Variants in ATXN10 observed in about 807,000 individuals in gnomAD.
ATXN10 encodes ataxin-10.
Under a neutral mutation model 52.9 loss-of-function variants are expected in ATXN10, and 28 were observed. That is an observed-to-expected ratio of 0.53 (90% CI 0.39 to 0.73). ATXN10 has a LOEUF of 0.73. Among genes scored for constraint, ATXN10 ranks in the 30% least tolerant of loss-of-function variants. The pLI is 0.00. For missense variants in ATXN10, 565 were observed against 577.0 expected (o/e 0.98, Z 0.21); for synonymous variants, 226 against 221.5 (o/e 1.02, Z -0.18).
chr22:45,750,727 T>A lies in ATXN10; in HGVS notation c.1173+10189T>A, dbSNP rs1473852692. Among the ~76,000 whole-genome samples, 1 of 152,172 alleles carries A rather than the reference T, an allele frequency of 6.6e-6. No individual in the cohort carries two copies. The highest frequency in any genetic ancestry group is 1.5e-5 in the Non-Finnish European group (1 of 68,028). On this transcript the variant is annotated intron_variant, in intron 9 of 11. Coordinates refer to ENST00000252934, the MANE Select transcript of ATXN10 (RefSeq NM_013236.4). This position sits in a 1 kb window ranked among gnomAD's most constrained non-coding sequence, Gnocchi z 4.2. The stretch of plus-strand genomic sequence containing the variant: ...AAACAATTTACAAAAGTTTATAGGT[T>A]AGTGGAGGCAGACATAGTTTCCAAA...
intron 10 of ATXN10, among the ~76,000 whole-genome samples, chr22:45,830,418 A>G (rs1928950245): frequency 6.6e-6 from 1 of 152,252 alleles, no homozygotes; most frequent in Admixed American, 6.5e-5. Context: ...CAGAGTGAAA[A>G]TGTAATCCAC....
rs1929347272 is a variant in ATXN10 at position 45,841,569 on chromosome 22, T to G, written c.1238-1422T>G. ...CCTGGGCCAGCTCACCCGGTGTGTA[T>G]TGGAGGGACTAAGATGGAGCAACCT... On this transcript the variant is annotated intron_variant, in intron 10 of 11. Coordinates refer to ENST00000252934, the MANE Select transcript of ATXN10 (RefSeq NM_013236.4). The surrounding 1 kb of genome is among the most constrained non-coding windows in gnomAD (Gnocchi z 5.1). Among the ~76,000 whole-genome samples the G allele has an allele frequency of 6.6e-6, 1 of 152,172 alleles. No individual in the cohort carries two copies. Among genetic ancestry groups the G allele is most frequent in the African/African-American group, 2.4e-5 (1 of 41,442 alleles).
At chr22:45,831,099 A>G (rs2146909840) in intron 10 of ATXN10, among the ~76,000 whole-genome samples, 1 of 152,362 alleles carries the variant, frequency 6.6e-6, no homozygotes, top group Non-Finnish European at 1.5e-5. Context: ...ACTTAGTGAA[A>G]TAAGCCAGTC....
intron 5 of ATXN10, among the ~76,000 whole-genome samples, chr22:45,713,019 C>A (rs1924308615): frequency 6.6e-6 from 1 of 151,990 alleles, no homozygotes. Context: ...CTATTTTACT[C>A]ATGTTGTGAG....
intron 9 of ATXN10, among the ~76,000 whole-genome samples, chr22:45,800,962 T>C (rs1927912357): frequency 6.6e-6 from 1 of 152,230 alleles, no homozygotes; most frequent in South Asian, 2.1e-4. Flanking sequence ...ATCCCATGTC[T>C]TGATTTGTTT....
rs1922771795 is a variant in ATXN10 at position 45,678,051 on chromosome 22, T to C, written c.116+5872T>C. 1.3e-5 allele frequency: 2 copies of C among 152,158 alleles called. No individual in the cohort carries two copies. The highest frequency in any genetic ancestry group is 4.1e-4 in the South Asian group (2 of 4,826). 9.4% of individuals were successfully genotyped at this position (152,158 alleles called of 1,614,324 possible). Reference sequence around the variant, plus strand: ...CAAACTTGTAGAGACAGAAAGTAGATTAGAGGTTACTAGGATTTGGAGAGA... The same window carrying C: ...CAAACTTGTAGAGACAGAAAGTAGACTAGAGGTTACTAGGATTTGGAGAGA... On this transcript the variant is annotated intron_variant, in intron 1 of 11. Coordinates refer to ENST00000252934, the MANE Select transcript of ATXN10 (RefSeq NM_013236.4). This position sits in a 1 kb window ranked among gnomAD's most constrained non-coding sequence, Gnocchi z 4.1.
rs189669528 is a variant in ATXN10, at chr22:45,829,619, C to A, written c.1238-13372C>A. 7.6e-4 allele frequency among the ~76,000 whole-genome samples: 115 copies of A among 152,180 alleles called. 2 individuals carry two copies. Among genetic ancestry groups the A allele is most frequent in the Non-Finnish European group, 9.0e-4 (61 of 67,970 alleles). On this transcript the variant is annotated intron_variant, in intron 10 of 11. Coordinates refer to ENST00000252934, the MANE Select transcript of ATXN10 (RefSeq NM_013236.4). ...CGGAATGGAAATTACAAAAGCAATT[C>A]CTTTTATAATAGCATCAAAAATAAT...
intron 9 of ATXN10, among the ~76,000 whole-genome samples, chr22:45,773,604 T>C (rs903008928): frequency 6.6e-6 from 1 of 152,064 alleles, no homozygotes; most frequent in African/African-American, 2.4e-5. Flanking sequence ...GATTACAGGC[T>C]GCACCATCAT....
chr22:45,774,624 A>G lies in ATXN10; in HGVS notation c.1174-32335A>G, dbSNP rs1926888828. On this transcript the variant is annotated intron_variant, in intron 9 of 11. Transcript: ENST00000252934. The surrounding 1 kb of genome is among the most constrained non-coding windows in gnomAD (Gnocchi z 6.2). ...TCCTGAAAAAGAGAAAGGATGTTTA[A>G]TGTTTTTTACAAAATAAAGGCAGGG... Among the ~76,000 whole-genome samples, 1 of 152,194 alleles carries G rather than the reference A, an allele frequency of 6.6e-6. No individual in the cohort carries two copies. The highest frequency in any genetic ancestry group is 2.4e-5 in the African/African-American group (1 of 41,450).
In ATXN10 at chr22:45,795,450, G is replaced by A. The variant is rs1927700849; in HGVS notation, c.1174-11509G>A. 6.9e-6 allele frequency among the ~76,000 whole-genome samples: 1 copy of A among 145,728 alleles called. No individual in the cohort carries two copies. Among genetic ancestry groups the A allele is most frequent in the African/African-American group, 2.5e-5 (1 of 40,392 alleles). On this transcript the variant is annotated intron_variant, in intron 9 of 11. Transcript: ENST00000252934. The surrounding 1 kb of genome is among the most constrained non-coding windows in gnomAD (Gnocchi z 4.6). ...TTTTGAGATGAAGTCTCTCTATGTTGCCCAGGCTGGAGTGCAGTGGCGCGA... is the reference window on the plus strand; with the variant it reads ...TTTTGAGATGAAGTCTCTCTATGTTACCCAGGCTGGAGTGCAGTGGCGCGA...
chr22:45,768,055 A>G (rs1926648392), intron 9 of ATXN10, among the ~76,000 whole-genome samples: 1 of 152,210 alleles, frequency 6.6e-6, no homozygotes, highest in Non-Finnish European at 1.5e-5. Context: ...AAAACCCTTA[A>G]AGTTTGAGTT....
intron 9 of ATXN10, among the ~76,000 whole-genome samples, chr22:45,802,679 C>T (rs1927967840): frequency 6.6e-6 from 1 of 152,186 alleles, no homozygotes. Context: ...CCTCAGTTGA[C>T]ACACAACTCC....
At chr22:45,831,298 G>A (rs894940116) in intron 10 of ATXN10, among the ~76,000 whole-genome samples, 4 of 151,954 alleles carry the variant, frequency 2.6e-5, no homozygotes, top group African/African-American at 9.7e-5. Context: ...TTGTGAATGC[G>A]TTTAACACTA....
In ATXN10 at chr22:45,688,490, A is replaced by C. The variant is rs1403198689; in HGVS notation, c.117-1222A>C. ...GCCCCGACAGAGAGAAAACATAATAAATAATGTGAGTTCTATTGTCTGTTC... is the reference window on the plus strand; with the variant it reads ...GCCCCGACAGAGAGAAAACATAATACATAATGTGAGTTCTATTGTCTGTTC... On this transcript the variant is annotated intron_variant, in intron 1 of 11. Coordinates refer to ENST00000252934, the MANE Select transcript of ATXN10 (RefSeq NM_013236.4). The surrounding 1 kb of genome is among the most constrained non-coding windows in gnomAD (Gnocchi z 4.0). 6.6e-6 allele frequency among the ~76,000 whole-genome samples: 1 copy of C among 152,220 alleles called. No homozygotes were observed. Among genetic ancestry groups the C allele is most frequent in the Non-Finnish European group, 1.5e-5 (1 of 68,048 alleles).
At position 45,766,830 on chromosome 22, in the gene ATXN10, G is replaced by A. The variant is rs906734349; in HGVS notation, c.1173+26292G>A. 2.6e-5 allele frequency among the ~76,000 whole-genome samples: 4 copies of A among 152,098 alleles called. No homozygotes were observed. The highest frequency in any genetic ancestry group is 5.9e-5 in the Non-Finnish European group (4 of 68,006). On this transcript the variant is annotated intron_variant, in intron 9 of 11. Transcript: ENST00000252934. The surrounding 1 kb of genome is among the most constrained non-coding windows in gnomAD (Gnocchi z 4.6). ...CCAAAAATAAAGGAAAAAACCAATA[G>A]CCCTACAGAAAAATGGATAAAAGAT...
At chr22:45,755,908 T>G (rs1428609656) in intron 9 of ATXN10, among the ~76,000 whole-genome samples, 1 of 152,174 alleles carries the variant, frequency 6.6e-6, no homozygotes, top group East Asian at 1.9e-4. Flanking sequence ...ATAGCTTGCC[T>G]GAGGTCACAC....
At chr22:45,713,442 T>C (rs1367555451) in intron 5 of ATXN10, among the ~76,000 whole-genome samples, 1 of 152,194 alleles carries the variant, frequency 6.6e-6, no homozygotes, top group Non-Finnish European at 1.5e-5. Flanking sequence ...GACATTTAAA[T>C]GATGAATTTC....
chr22:45,699,967 C>T (rs1191142184), intron 3 of ATXN10, among the ~76,000 whole-genome samples: 1 of 151,686 alleles, frequency 6.6e-6, no homozygotes, highest in Non-Finnish European at 1.5e-5. Flanking sequence ...ATGCCCCAGC[C>T]TCCCAAGTAA....
At position 45,759,622 on chromosome 22, in the gene ATXN10, G is replaced by A. The variant is rs1926306121; in HGVS notation, c.1173+19084G>A. ...TCCTGAGGGAGCTGAGGCTGCACGAGGATGAGCAAGGTTTCATAATGTCCT... is the reference window on the plus strand; with the variant it reads ...TCCTGAGGGAGCTGAGGCTGCACGAAGATGAGCAAGGTTTCATAATGTCCT... On this transcript the variant is annotated intron_variant, in intron 9 of 11. Coordinates refer to ENST00000252934, the MANE Select transcript of ATXN10 (RefSeq NM_013236.4). This position sits in a 1 kb window ranked among gnomAD's most constrained non-coding sequence, Gnocchi z 5.4. Among the ~76,000 whole-genome samples, 1 of 152,130 alleles carries A rather than the reference G, an allele frequency of 6.6e-6. No individual in the cohort carries two copies. Among genetic ancestry groups the A allele is most frequent in the African/African-American group, 2.4e-5 (1 of 41,412 alleles).
Sources: gnomAD v4.1 joint callset for allele counts (sites outside exome capture counted in the v4.1 genomes callset) on GRCh38, gnomAD v4.1.1 for gene constraint, Gnocchi (gnomAD v3.1) non-coding constraint, MANE v1.5 for transcripts, NCBI Gene and HGNC (gene_info 2026-07-23, HGNC 2026-07-21) for gene names.